VAMP7: variants seen among roughly 807,000 people sequenced by gnomAD.
VAMP7 encodes vesicle associated membrane protein 7, also known as vesicle-associated membrane protein 7.
In VAMP7, 14 loss-of-function variants were observed where a neutral mutation model predicts 29.6. The observed-to-expected ratio is 0.47, with a 90% confidence interval of 0.31 to 0.74. VAMP7 has a LOEUF of 0.74. VAMP7 is among the 30% of genes least tolerant of loss of function. The pLI is 0.05. For synonymous variants in VAMP7, 95 were observed against 88.1 expected (o/e 1.08, Z -0.44); for missense variants, 223 against 262.4 (o/e 0.85, Z 1.04).
intron 6 of VAMP7, among the ~76,000 whole-genome samples, chrX:155,927,251 G>A (rs931264422): frequency 6.6e-6 from 1 of 151,788 alleles, no homozygotes; most frequent in Non-Finnish European, 1.5e-5. Flanking sequence ...GATAGCATTA[G>A]GAGAAATACC....
intron 6 of VAMP7, 81 bp downstream of exon 6, chrX:155,919,961 CTTAAA>C: frequency 8.9e-7 from 1 of 1,125,430 alleles, no homozygotes; most frequent in Non-Finnish European, 1.3e-6. Context: ...TGGGAAATAC[CTTAAA>C]TTCAAATATT....
chrX:155,903,526 C>A (rs2066100172), intron 5 of VAMP7, among the ~76,000 whole-genome samples: 1 of 151,938 alleles, frequency 6.6e-6, no homozygotes, highest in Non-Finnish European at 1.5e-5. Context: ...ACAAACAACC[C>A]CATCAAAAAG....
intron 5 of VAMP7, among the ~76,000 whole-genome samples, chrX:155,914,346 C>G (rs746192346): frequency 2.0e-5 from 3 of 152,126 alleles, no homozygotes; most frequent in East Asian, 1.9e-4. Context: ...ATTTGAATAC[C>G]CTTTATTTCT....
In VAMP7 at chrX:155,942,973, A is replaced by G. The variant is rs1444700788; in HGVS notation, c.*1022A>G. 3 of 151,868 alleles carry G rather than the reference A, an allele frequency of 2.0e-5. No homozygotes were observed. The highest frequency in any genetic ancestry group is 6.6e-5 in the Admixed American group (1 of 15,218). The allele number at this position is 151,868 out of a possible 1,614,324, so 9.4% of individuals were successfully genotyped here. On this transcript the variant is annotated 3_prime_UTR_variant, in exon 8 of 8. Transcript: ENST00000286448. ...AGTTTTGAGCATTCTTTGTGGTTAA[A>G]TAAATTCTTAAATCTGCCTAGTTTT...
intron 7 of VAMP7, among the ~76,000 whole-genome samples, chrX:155,941,457 ATATATTCT>A (rs1403565067): frequency 6.6e-6 from 1 of 152,170 alleles, no homozygotes; most frequent in Non-Finnish European, 1.5e-5. Context: ...GGCTTTTAAA[ATATATTCT>A]TATATTAATC....
intron 5 of VAMP7, among the ~76,000 whole-genome samples, chrX:155,904,100 C>T (rs889577095): frequency 5.3e-5 from 8 of 149,862 alleles, no homozygotes; most frequent in African/African-American, 2.0e-4. Flanking sequence ...TAAACTATCG[C>T]AAGAACAAAA....
chrX:155,887,323 A>G (rs1266390804), intron 1 of VAMP7, among the ~76,000 whole-genome samples: 2 of 152,150 alleles, frequency 1.3e-5, no homozygotes, highest in African/African-American at 4.8e-5. Flanking sequence ...AAAAGGGCAC[A>G]GAATCAGTCC....
At chrX:155,899,923 G>T (rs1341104625) in intron 4 of VAMP7, among the ~76,000 whole-genome samples, 1 of 152,044 alleles carries the variant, frequency 6.6e-6, no homozygotes, top group Non-Finnish European at 1.5e-5. Flanking sequence ...GGAACATTGT[G>T]TATTAAGCAC....
At chrX:155,902,814 A>G (rs2066085691) in intron 5 of VAMP7, among the ~76,000 whole-genome samples, 1 of 149,424 alleles carries the variant, frequency 6.7e-6, no homozygotes. Flanking sequence ...CATCAAGGAT[A>G]TTGGTCTAAA....
In VAMP7 at chrX:155,942,290, A is replaced by G; in HGVS notation, c.*339A>G. The G allele has an allele frequency of 1.0e-6, 1 of 961,080 alleles. No homozygotes were observed. Among genetic ancestry groups the G allele is most frequent in the Non-Finnish European group, 1.5e-6 (1 of 663,068 alleles). 59.5% of individuals were successfully genotyped at this position (961,080 alleles called of 1,614,324 possible). Reference sequence around the variant, plus strand: ...CGCTAGTCTTATGAGCTATCTACTAAAACTATGGAGAAACTTTGTATGTGC... The same window carrying G: ...CGCTAGTCTTATGAGCTATCTACTAGAACTATGGAGAAACTTTGTATGTGC... On this transcript the variant is annotated 3_prime_UTR_variant, in exon 8 of 8. Coordinates refer to ENST00000286448, the MANE Select transcript of VAMP7 (RefSeq NM_005638.6).
At chrX:155,897,897 C>G (rs1177024115) in intron 3 of VAMP7, among the ~76,000 whole-genome samples, 1 of 152,154 alleles carries the variant, frequency 6.6e-6, no homozygotes, top group Non-Finnish European at 1.5e-5. Context: ...TGGATTCATT[C>G]TCAGCTCTTT....
intron 6 of VAMP7, among the ~76,000 whole-genome samples, chrX:155,938,430 G>T (rs754410049): frequency 6.6e-6 from 1 of 152,146 alleles, no homozygotes; most frequent in Non-Finnish European, 1.5e-5. Context: ...ATGGTTAAGG[G>T]AGTGGATTTT....
chrX:155,895,371 C>T (rs749018191), intron 2 of VAMP7, among the ~76,000 whole-genome samples: 34 of 152,224 alleles, frequency 2.2e-4, no homozygotes, highest in African/African-American at 7.5e-4. Context: ...TTGCAGCTAT[C>T]GTTCTAATGG....
At position 155,937,334 on chromosome X, in the gene VAMP7, C is replaced by T. The variant is rs149010824; in HGVS notation, c.502-2367C>T. Among the ~76,000 whole-genome samples, 644 of 152,032 alleles carry T rather than the reference C, an allele frequency of 4.2e-3. 5 individuals carry two copies. Among genetic ancestry groups the T allele is most frequent in the East Asian group, 0.017 (87 of 5,180 alleles). ...TGTAAGATGAATAAGTTCTGGATAC[C>T]GGACATACAGCATGGCAACTATAGT... On this transcript the variant is annotated intron_variant, in intron 6 of 7. Transcript: ENST00000286448.
rs1569454077 is a variant in VAMP7, at chrX:155,942,182, GC to G, written c.*232del. On this transcript the variant is annotated 3_prime_UTR_variant, in exon 8 of 8. Coordinates refer to ENST00000286448, the MANE Select transcript of VAMP7 (RefSeq NM_005638.6). The stretch of plus-strand genomic sequence containing the variant: ...TCATTGCAGCAGTAGCCTTAAAAAG[GC>G]TTTTGTTTATTTCTTTGGTTTGTTA... 3 of 1,534,382 alleles carry G rather than the reference GC, an allele frequency of 2.0e-6. No individual in the cohort carries two copies. In the Admixed American group the frequency reaches 6.3e-5, roughly 32 times the overall value.
At chrX:155,937,889 C>T (rs183039153) in intron 6 of VAMP7, among the ~76,000 whole-genome samples, 1 of 152,118 alleles carries the variant, frequency 6.6e-6, no homozygotes, top group Non-Finnish European at 1.5e-5. Context: ...GTGTATCTTA[C>T]ATCTTCTTTC....
At chrX:155,911,700 T>G (rs2066240114) in intron 5 of VAMP7, among the ~76,000 whole-genome samples, 1 of 152,198 alleles carries the variant, frequency 6.6e-6, no homozygotes, top group Admixed American at 6.5e-5. Context: ...ATATTTTATA[T>G]GTTCATAACT....
intron 6 of VAMP7, among the ~76,000 whole-genome samples, chrX:155,926,175 G>A (rs2066464106): frequency 6.6e-6 from 1 of 152,110 alleles, no homozygotes; most frequent in Admixed American, 6.5e-5. Context: ...AGCTGCATTG[G>A]TCCCTAATAA....
intron 5 of VAMP7, among the ~76,000 whole-genome samples, chrX:155,912,025 T>C (rs1262802025): frequency 6.6e-6 from 1 of 152,110 alleles, no homozygotes; most frequent in East Asian, 1.9e-4. Flanking sequence ...TGGGCTTCCT[T>C]CCAGTACTAT....
Sources: gnomAD v4.1 joint callset for allele counts (sites outside exome capture counted in the v4.1 genomes callset) on GRCh38, gnomAD v4.1.1 for gene constraint, MANE v1.5 for transcripts, NCBI Gene and HGNC (gene_info 2026-07-23, HGNC 2026-07-21) for gene names.